Variants in COLEC10 observed in about 807,000 individuals in gnomAD.
The protein encoded by COLEC10 is collectin subfamily member 10, also known as collectin-10.
COLEC10 carries 22 observed loss-of-function variants against 28.4 expected under a neutral mutation model. The ratio of observed to expected loss-of-function variants is 0.78; its 90% CI spans 0.55 to 1.11. COLEC10 has a LOEUF of 1.11. Among genes scored for constraint, COLEC10 ranks in the 50% least tolerant of loss-of-function variants. The pLI is 0.00. For missense variants in COLEC10, 361 were observed against 344.1 expected, an observed-to-expected ratio of 1.05 and a Z score of -0.39; for synonymous variants, 125 against 116.1, an observed-to-expected ratio of 1.08 and a Z score of -0.49.
At chr8:118,963,709 T>C in the COLEC10 span, among the ~76,000 whole-genome samples, 1 of 152,236 alleles carries the variant, frequency 6.6e-6, no homozygotes. Flanking sequence ...AAATATGTAG[T>C]ATTTTATTTA....
At chr8:118,990,886 G>T (rs1246644971), upstream of COLEC10, among the ~76,000 whole-genome samples, 3 of 151,358 alleles carry the variant, frequency 2.0e-5, no homozygotes, top group African/African-American at 7.3e-5. Context: ...TCCTTGGAAA[G>T]AACATGAAGG....
intron 1 of COLEC10, among the ~76,000 whole-genome samples, chr8:119,004,485 A>G (rs1275332944): frequency 6.6e-6 from 1 of 151,326 alleles, no homozygotes; most frequent in East Asian, 2.0e-4. Flanking sequence ...ATTAATTCTC[A>G]TGCTACCCAG....
chr8:119,021,088 G>A (rs1322105349), intron 2 of COLEC10, among the ~76,000 whole-genome samples: 1 of 152,046 alleles, frequency 6.6e-6, no homozygotes, highest in Non-Finnish European at 1.5e-5. Flanking sequence ...ACATTTTAAG[G>A]AGCAAACATT....
intron 2 of COLEC10, among the ~76,000 whole-genome samples, chr8:119,018,617 T>C (rs1814034773): frequency 6.6e-6 from 1 of 152,250 alleles, no homozygotes; most frequent in South Asian, 2.1e-4. Flanking sequence ...AAAATGGATA[T>C]GTCTTGTGAC....
the COLEC10 span, among the ~76,000 whole-genome samples, chr8:118,987,905 A>G: frequency 6.6e-6 from 1 of 152,170 alleles, no homozygotes; most frequent in African/African-American, 2.4e-5. Context: ...TTCAGCACCA[A>G]CAGGTAGAGT....
At chr8:118,952,534 T>C in the COLEC10 span, among the ~76,000 whole-genome samples, 1 of 152,234 alleles carries the variant, frequency 6.6e-6, no homozygotes, top group Non-Finnish European at 1.5e-5. Context: ...GTAGTAGGAA[T>C]TTTTCTAACT....
intron 2 of COLEC10, among the ~76,000 whole-genome samples, chr8:119,041,494 T>G (rs185352102): frequency 1.8e-3 from 281 of 152,330 alleles, no homozygotes; most frequent in African/African-American, 6.5e-3. Context: ...ATATTCATTT[T>G]ATAAACTGTC....
At chr8:118,960,657 C>T in the COLEC10 span, among the ~76,000 whole-genome samples, 1 of 151,890 alleles carries the variant, frequency 6.6e-6, no homozygotes. Context: ...TGGTGGCATG[C>T]GCCTGTAGTC....
intron 1 of COLEC10, among the ~76,000 whole-genome samples, chr8:119,081,838 A>T (rs2450071): frequency 0.69 from 104,487 of 151,912 alleles, 36,864 homozygotes; most frequent in African/African-American, 0.84. Flanking sequence ...TGGATAGTAG[A>T]ATGGTGGAAA....
chr8:119,091,078 A>G, intron 2 of COLEC10, 71 bp from the exon 3 acceptor site: 1 of 1,181,336 alleles, frequency 8.5e-7, no homozygotes, highest in South Asian at 1.2e-5. Flanking sequence ...CTTTCAAGTG[A>G]ATATCACATT....
At chr8:119,086,321 A>T (rs1815480144) in intron 1 of COLEC10, among the ~76,000 whole-genome samples, 1 of 151,964 alleles carries the variant, frequency 6.6e-6, no homozygotes, top group African/African-American at 2.4e-5. Flanking sequence ...GAAGTAAAAT[A>T]GTGTAAATTG....
intron 3 of COLEC10, among the ~76,000 whole-genome samples, chr8:119,092,066 A>ATTT (rs34152820): frequency 1.6e-4 from 20 of 124,450 alleles, no homozygotes; most frequent in East Asian, 9.6e-4. Flanking sequence ...TCTTGTCCTA[A>ATTT]TTTTTTTTTT....
chr8:119,080,197 C>T (rs1815341809), intron 1 of COLEC10, among the ~76,000 whole-genome samples: 1 of 152,050 alleles, frequency 6.6e-6, no homozygotes. Flanking sequence ...TCAGTGTCTC[C>T]TCCCACCCCA....
intron 5 of COLEC10, among the ~76,000 whole-genome samples, chr8:119,105,317 C>T (rs1394467699): frequency 3.3e-5 from 5 of 152,010 alleles, no homozygotes; most frequent in African/African-American, 1.2e-4. Flanking sequence ...AGAGTGACTG[C>T]CATGTCTATC....
chr8:119,086,788 T>C (rs1407322399), intron 1 of COLEC10, among the ~76,000 whole-genome samples: 1 of 152,208 alleles, frequency 6.6e-6, no homozygotes, highest in Non-Finnish European at 1.5e-5. Context: ...CATATATGCT[T>C]GTTTTTATCT....
Position 119,011,916 on chromosome 8 carries a change from ATTTC to A in COLEC10, n.235+2370_235+2373del, listed in dbSNP as rs1013510963. ...GACATCTGCAAACAAAGGCAGTTTT[ATTTC>A]TTTCTTCTCTACAGTATGTCTTTTA... On this transcript the variant is annotated intron_variant and non_coding_transcript_variant, in intron 2 of 6. Coordinates refer to the COLEC10 transcript ENST00000521788. Among the ~76,000 whole-genome samples, 77 of 150,730 alleles carry A rather than the reference ATTTC, an allele frequency of 5.1e-4. 5 individuals carry two copies. The highest frequency in any genetic ancestry group is 1.7e-3 in the African/African-American group (70 of 40,408).
chr8:119,020,496 C>T (rs1587001936), intron 2 of COLEC10, among the ~76,000 whole-genome samples: 1 of 152,056 alleles, frequency 6.6e-6, no homozygotes, highest in Non-Finnish European at 1.5e-5. Flanking sequence ...ACACTTAGTA[C>T]ATAAGGTTGC....
At chr8:119,094,283 A>G (rs141053143) in intron 3 of COLEC10, among the ~76,000 whole-genome samples, 2 of 152,334 alleles carry the variant, frequency 1.3e-5, no homozygotes, top group East Asian at 3.9e-4. Flanking sequence ...AACAGCTTAT[A>G]TATGAAAACT....
chr8:119,084,508 T>C (rs1815431283), intron 1 of COLEC10, among the ~76,000 whole-genome samples: 2 of 152,242 alleles, frequency 1.3e-5, no homozygotes, highest in African/African-American at 2.4e-5. Flanking sequence ...CTTACTCCTC[T>C]GAATGTCTAC....
Sources: allele counts gnomAD v4.1 joint callset (sites outside exome capture counted in the v4.1 genomes callset), GRCh38; gene constraint gnomAD v4.1.1; transcripts MANE v1.5; gene names NCBI Gene and HGNC (gene_info 2026-07-23, HGNC 2026-07-21).